Variants in ATRN observed in about 807,000 individuals in gnomAD.
The protein encoded by ATRN is attractin-2.
Under a neutral mutation model 178.7 loss-of-function variants are expected in ATRN, and 54 were observed. The observed-to-expected ratio is 0.30, with a 90% confidence interval of 0.24 to 0.38. The LOEUF (loss-of-function observed/expected upper bound fraction) is 0.38, where lower values mean the gene tolerates loss of function less well. Among genes scored for constraint, ATRN ranks in the 10% least tolerant of loss-of-function variants. The pLI, the probability that ATRN is intolerant of heterozygous loss-of-function variation, is 1.00. For missense variants in ATRN, 1,443 were observed against 1,815.1 expected (o/e 0.79, Z 3.73); for synonymous variants, 636 against 663.0 (o/e 0.96, Z 0.63).
intron 22 of ATRN, 40 bp downstream of exon 22, chr20:3,598,040 G>T: frequency 7.4e-7 from 1 of 1,345,254 alleles, no homozygotes; most frequent in Non-Finnish European, 1.1e-6. Context: ...TTTTGAATTT[G>T]TATGGATCTT....
intron 2 of ATRN, among the ~76,000 whole-genome samples, chr20:3,537,992 A>G (rs1312627337): frequency 6.8e-6 from 1 of 146,120 alleles, no homozygotes; most frequent in Non-Finnish European, 1.5e-5. Context: ...GTTTTAGGGT[A>G]CATGTGCACA....
chr20:3,620,423 T>C (rs2086888373), intron 24 of ATRN, among the ~76,000 whole-genome samples: 1 of 152,150 alleles, frequency 6.6e-6, no homozygotes, highest in African/African-American at 2.4e-5. Flanking sequence ...TTTTTGTATT[T>C]TTAGTAGAAA....
rs532521788 is a variant in ATRN at position 3,498,398 on chromosome 20, A to G, written c.410+26881A>G. ...CAACCAAAAAAGAGAATTTTAGACCAATATCCTTGATAAACATTGATGCAG... is the reference window on the plus strand; with the variant it reads ...CAACCAAAAAAGAGAATTTTAGACCGATATCCTTGATAAACATTGATGCAG... On this transcript the variant is annotated intron_variant, in intron 1 of 28. Coordinates refer to ENST00000262919, the MANE Select transcript of ATRN (RefSeq NM_139321.3). 2.3e-4 allele frequency among the ~76,000 whole-genome samples: 35 copies of G among 152,312 alleles called. 1 individual carries two copies. The highest frequency in any genetic ancestry group is 8.2e-4 in the African/African-American group (34 of 41,558).
At position 3,527,375 on chromosome 20, in the gene ATRN, T is replaced by TA. The variant is rs558538489; in HGVS notation, c.411-7877dup. Among the ~76,000 whole-genome samples, 1,163 of 152,286 alleles carry TA rather than the reference T, an allele frequency of 7.6e-3. 8 individuals are homozygous for TA. Among genetic ancestry groups the TA allele is most frequent in the African/African-American group, 0.026 (1,091 of 41,564 alleles). On this transcript the variant is annotated intron_variant, in intron 1 of 28. Coordinates refer to ENST00000262919, the MANE Select transcript of ATRN (RefSeq NM_139321.3). ...AATGCAAGTCAAAACCACAATGAGA[T>TA]ACCATCTCCCACCAGTTAGAACGGT...
chr20:3,502,523 T>C (rs887348575), intron 1 of ATRN, among the ~76,000 whole-genome samples: 5 of 152,106 alleles, frequency 3.3e-5, no homozygotes, highest in Admixed American at 2.6e-4. Context: ...GGTTGGCTCA[T>C]TCCTCCCCTG....
chr20:3,543,139 T>G (rs915894244), intron 3 of ATRN, among the ~76,000 whole-genome samples: 1 of 152,202 alleles, frequency 6.6e-6, no homozygotes, highest in Non-Finnish European at 1.5e-5. Flanking sequence ...TTCTGTTCTT[T>G]CCCTCTGCTC....
intron 1 of ATRN, among the ~76,000 whole-genome samples, chr20:3,480,166 G>GA (rs1265475037): frequency 6.6e-6 from 1 of 152,144 alleles, no homozygotes; most frequent in Non-Finnish European, 1.5e-5. Context: ...CCAGCTTCTG[G>GA]GTTTATGCTT....
At chr20:3,515,026 A>G (rs952959118) in intron 1 of ATRN, among the ~76,000 whole-genome samples, 1 of 152,226 alleles carries the variant, frequency 6.6e-6, no homozygotes, top group Non-Finnish European at 1.5e-5. Flanking sequence ...TAGGATAACT[A>G]TCACACTGTG....
intron 27 of ATRN, among the ~76,000 whole-genome samples, chr20:3,639,587 A>C (rs150823924): frequency 6.6e-6 from 1 of 152,170 alleles, no homozygotes; most frequent in African/African-American, 2.4e-5. Flanking sequence ...TTTTTTAAGC[A>C]GCAAAATGAT....
chr20:3,584,979 C>T (rs912448796), intron 18 of ATRN, 99 bp downstream of exon 18: 33 of 1,136,372 alleles, frequency 2.9e-5, no homozygotes, highest in African/African-American at 1.4e-4. Flanking sequence ...TCCCTGCCCT[C>T]AGCCCCTTTC....
intron 1 of ATRN, among the ~76,000 whole-genome samples, chr20:3,517,819 A>T (rs1388499420): frequency 6.6e-6 from 1 of 152,118 alleles, no homozygotes; most frequent in Non-Finnish European, 1.5e-5. Context: ...CAGCAGGCTT[A>T]GTCTGCTTTC....
At chr20:3,635,533 G>A (rs564378063) in intron 26 of ATRN, among the ~76,000 whole-genome samples, 1 of 152,142 alleles carries the variant, frequency 6.6e-6, no homozygotes, top group African/African-American at 2.4e-5. Context: ...AAATGCTCAC[G>A]TGTATATAAG....
intron 23 of ATRN, 97 bp downstream of exon 23, chr20:3,601,121 GT>G (rs2086602243): frequency 3.6e-6 from 4 of 1,099,028 alleles, no homozygotes; most frequent in Admixed American, 4.1e-5. Flanking sequence ...AGACAGATTG[GT>G]TTGAAACCCA....
In ATRN at chr20:3,481,698, G is replaced by A. The variant is rs1600002717; in HGVS notation, c.410+10181G>A. Among the ~76,000 whole-genome samples the A allele has an allele frequency of 5.3e-5, 8 of 151,460 alleles. No homozygotes were observed. In the South Asian group the frequency reaches 1.7e-3, roughly 32 times the overall value. ...TTTTTTTCAGTTTGCGTTTTGGGTG[G>A]ACTTCAGTTCTAGCTGTTTATTTAC... On this transcript the variant is annotated intron_variant, in intron 1 of 28. Coordinates refer to ENST00000262919, the MANE Select transcript of ATRN (RefSeq NM_139321.3).
intron 6 of ATRN, among the ~76,000 whole-genome samples, chr20:3,552,889 C>A (rs964651885): frequency 9.2e-5 from 14 of 152,174 alleles, no homozygotes; most frequent in Non-Finnish European, 2.9e-5. Flanking sequence ...CTGCTTACTT[C>A]ATCAGGCCAC....
chr20:3,546,366 A>G (rs959655216), intron 4 of ATRN, among the ~76,000 whole-genome samples: 14 of 149,496 alleles, frequency 9.4e-5, no homozygotes, highest in Non-Finnish European at 1.8e-4. Flanking sequence ...TTATATTATT[A>G]TGAGATGCGT....
intron 1 of ATRN, among the ~76,000 whole-genome samples, chr20:3,507,569 A>ATC (rs1423785981): frequency 6.6e-6 from 1 of 152,174 alleles, no homozygotes; most frequent in East Asian, 1.9e-4. Flanking sequence ...AATGTCCTAG[A>ATC]ATGTTCACAA....
At chr20:3,557,659 A>C (rs1252283066) in intron 6 of ATRN, among the ~76,000 whole-genome samples, 1 of 152,212 alleles carries the variant, frequency 6.6e-6, no homozygotes, top group Non-Finnish European at 1.5e-5. Flanking sequence ...GGACTAAATA[A>C]CTATGGAATT....
At chr20:3,473,006 G>A (rs1209549934) in intron 1 of ATRN, among the ~76,000 whole-genome samples, 1 of 152,194 alleles carries the variant, frequency 6.6e-6, no homozygotes, top group African/African-American at 2.4e-5. Context: ...TAGTTTTATG[G>A]ATGGAGAAAC....
Sources: allele counts gnomAD v4.1 joint callset (sites outside exome capture counted in the v4.1 genomes callset), GRCh38; gene constraint gnomAD v4.1.1; transcripts MANE v1.5; gene names NCBI Gene and HGNC (gene_info 2026-07-23, HGNC 2026-07-21).